The following MAPK6 variants were observed in gnomAD, a reference collection of about 807,000 sequenced individuals.
The protein encoded by MAPK6 is mitogen-activated protein kinase 6.
Under a neutral mutation model 59.3 loss-of-function variants are expected in MAPK6, and 19 were observed. The ratio of observed to expected loss-of-function variants is 0.32; its 90% CI spans 0.22 to 0.47. The LOEUF (loss-of-function observed/expected upper bound fraction) is 0.47, where lower values mean the gene tolerates loss of function less well. Ranked by LOEUF, MAPK6 falls within the 20% of genes least tolerant of loss-of-function variation. The pLI is 1.00. For missense variants in MAPK6, 724 were observed against 847.9 expected (o/e 0.85, Z 1.81); for synonymous variants, 316 against 290.3 (o/e 1.09, Z -0.90).
chr15:52,012,163 C>T (rs1440332212), intron 3 of MAPK6, among the ~76,000 whole-genome samples: 1 of 152,242 alleles, frequency 6.6e-6, no homozygotes, highest in African/African-American at 2.4e-5. Flanking sequence ...ACCATTCTCT[C>T]CTCTGCACAC....
At chr15:52,027,795 T>G (rs2030864044) in intron 1 of MAPK6, 1 of 151,324 alleles carries the variant, frequency 6.6e-6, no homozygotes. Flanking sequence ...TTTTTTGAGA[T>G]GGAGTCTCAC....
At chr15:52,042,746 G>A (rs2031464989) in intron 1 of MAPK6, 1 of 152,144 alleles carries the variant, frequency 6.6e-6, no homozygotes. Flanking sequence ...CATTTCATTT[G>A]TCTATAGAAC....
chr15:52,020,302 G>T (rs1423652741), intron 1 of MAPK6, among the ~76,000 whole-genome samples: 2 of 152,212 alleles, frequency 1.3e-5, no homozygotes, highest in Non-Finnish European at 2.9e-5. Flanking sequence ...TCTCTGTGCA[G>T]CGGGAGCTTC....
At chr15:52,063,213 C>T (rs576157785) in intron 5 of MAPK6, among the ~76,000 whole-genome samples, 6 of 152,156 alleles carry the variant, frequency 3.9e-5, no homozygotes, top group South Asian at 2.1e-4. Context: ...TATAGGCACC[C>T]GCCACCATGT....
At chr15:52,055,233 C>A (rs1348823476) in intron 3 of MAPK6, among the ~76,000 whole-genome samples, 1 of 152,150 alleles carries the variant, frequency 6.6e-6, no homozygotes, top group Non-Finnish European at 1.5e-5. Flanking sequence ...CATAGTGAGA[C>A]CCTGTCTCGA....
chr15:51,982,661 T>G (rs766136912), intron 1 of MAPK6, among the ~76,000 whole-genome samples: 27 of 152,200 alleles, frequency 1.8e-4, no homozygotes, highest in Non-Finnish European at 3.5e-4. Context: ...AGGCAGTGTT[T>G]TTTCGTGTTT....
chr15:52,001,341 A>T (rs117798976), intron 2 of MAPK6, among the ~76,000 whole-genome samples: 1 of 152,226 alleles, frequency 6.6e-6, no homozygotes, highest in Non-Finnish European at 1.5e-5. Flanking sequence ...TATAGCACAC[A>T]AGCAAATTAA....
intron 2 of MAPK6, among the ~76,000 whole-genome samples, chr15:51,996,976 C>A (rs1034356062): frequency 6.6e-6 from 1 of 151,518 alleles, no homozygotes; most frequent in African/African-American, 2.4e-5. Context: ...AATGACCATG[C>A]CAGGAAATTT....
upstream of MAPK6, among the ~76,000 whole-genome samples, chr15:52,016,243 A>G (rs2030266531): frequency 6.6e-6 from 1 of 151,052 alleles, no homozygotes; most frequent in South Asian, 2.1e-4. Context: ...TACTAAAATT[A>G]GCTGGGCATG....
chr15:52,047,918 C>T (rs777042422), intron 2 of MAPK6, among the ~76,000 whole-genome samples: 5 of 152,144 alleles, frequency 3.3e-5, no homozygotes, highest in Non-Finnish European at 5.9e-5. Flanking sequence ...ACAGCAACTT[C>T]GTCTTAGATA....
chr15:51,994,874 A>T (rs944140403), intron 2 of MAPK6, among the ~76,000 whole-genome samples: 2 of 152,256 alleles, frequency 1.3e-5, no homozygotes, highest in Non-Finnish European at 2.9e-5. Context: ...GAAAAGTATC[A>T]AAGTCATAGA....
Position 52,067,343 on chromosome 15 carries a change from T to C in MAPK6, c.*2343T>C, listed in dbSNP as rs538313710. The stretch of plus-strand genomic sequence containing the variant: ...CCAGGCTGAGTACTAAGTTGTAAAG[T>C]CAATTTCCAATAAAAATTTTATGTG... On this transcript the variant is annotated 3_prime_UTR_variant, in exon 6 of 6. Coordinates refer to ENST00000261845, the MANE Select transcript of MAPK6 (RefSeq NM_002748.4). 5 of 152,338 alleles carry C rather than the reference T, an allele frequency of 3.3e-5. No homozygotes were observed. Among genetic ancestry groups the C allele is most frequent in the African/African-American group, 1.2e-4 (5 of 41,582 alleles). The allele number at this position is 152,338 out of a possible 1,614,324, so 9.4% of individuals were successfully genotyped here. A position where few individuals can be genotyped will look rare whatever the true frequency, so the allele number is the denominator to read the frequency against.
At chr15:52,036,592 C>T (rs747872423) in intron 1 of MAPK6, among the ~76,000 whole-genome samples, 55 of 152,178 alleles carry the variant, frequency 3.6e-4, no homozygotes, top group Non-Finnish European at 4.6e-4. Context: ...TTAGGCCCCA[C>T]CTCCTAACAC....
At chr15:52,023,842 G>T (rs2030646298) in intron 1 of MAPK6, among the ~76,000 whole-genome samples, 1 of 152,148 alleles carries the variant, frequency 6.6e-6, no homozygotes, top group African/African-American at 2.4e-5. Flanking sequence ...CTCATCTCCT[G>T]ACCTTGTGAT....
intron 1 of MAPK6, among the ~76,000 whole-genome samples, chr15:52,034,590 G>C (rs780010649): frequency 1.2e-4 from 19 of 152,172 alleles, no homozygotes; most frequent in Non-Finnish European, 2.2e-4. Context: ...ACAGGCATGA[G>C]CCACTGTGCC....
chr15:52,041,196 T>G (rs761782373), intron 1 of MAPK6, among the ~76,000 whole-genome samples: 2 of 152,128 alleles, frequency 1.3e-5, no homozygotes, highest in Admixed American at 6.5e-5. Flanking sequence ...TTTTTTTGTT[T>G]TTTTGTTTTT....
rs1165562110 is a variant in MAPK6, at chr15:52,066,078, G to GT, written c.*1079dup. 6.6e-6 allele frequency: 1 copy of GT among 152,568 alleles called. No homozygotes were observed. Among genetic ancestry groups the GT allele is most frequent in the African/African-American group, 2.4e-5 (1 of 41,442 alleles). 9.5% of individuals were successfully genotyped at this position (152,568 alleles called of 1,614,324 possible). ...CATGATAAGACATTTTGTTTTTACTGTATGTTTTTACTGAATGATCTATTC... is the reference window on the plus strand; with the variant it reads ...CATGATAAGACATTTTGTTTTTACTGTTATGTTTTTACTGAATGATCTATTC... On this transcript the variant is annotated 3_prime_UTR_variant, in exon 6 of 6. Transcript: ENST00000261845.
At chr15:51,977,917 A>T (rs1349117998) in intron 1 of MAPK6, among the ~76,000 whole-genome samples, 3 of 151,860 alleles carry the variant, frequency 2.0e-5, no homozygotes, top group Non-Finnish European at 4.4e-5. Flanking sequence ...ATTGTCTCAG[A>T]GTAACCAGGA....
chr15:52,057,943 T>G (rs1324336632), intron 3 of MAPK6, among the ~76,000 whole-genome samples: 3 of 152,240 alleles, frequency 2.0e-5, no homozygotes, highest in Admixed American at 2.0e-4. Context: ...TTTTGTTTCA[T>G]AACTGTATTC....
Sources: gnomAD v4.1 joint callset for allele counts (sites outside exome capture counted in the v4.1 genomes callset) on GRCh38, gnomAD v4.1.1 for gene constraint, MANE v1.5 for transcripts, NCBI Gene and HGNC (gene_info 2026-07-23, HGNC 2026-07-21) for gene names.